NTRK3: variants seen among roughly 807,000 people sequenced by gnomAD.
NTRK3 encodes the protein NT-3 growth factor receptor.
In NTRK3, 24 loss-of-function variants were observed where a neutral mutation model predicts 91.7. The observed-to-expected ratio is 0.26, with a 90% CI of 0.19 to 0.37. The LOEUF (loss-of-function observed/expected upper bound fraction) is 0.37, where lower values mean the gene tolerates loss of function less well. NTRK3 is among the 10% of genes least tolerant of loss of function. The pLI, the probability that NTRK3 is intolerant of heterozygous loss-of-function variation, is 1.00. For synonymous variants in NTRK3, 483 were observed against 404.0 expected, an observed-to-expected ratio of 1.20 and a Z score of -2.34; for missense variants, 880 against 1,068.9, an observed-to-expected ratio of 0.82 and a Z score of 2.46.
rs1596037174 is a variant in NTRK3 at position 87,870,456 on chromosome 15, G to A, written c.*6479C>T. 1.4e-5 allele frequency: 3 copies of A among 208,042 alleles called. No individual in the cohort carries two copies. In the East Asian group the frequency reaches 2.1e-4, roughly 15 times the overall value. 12.9% of individuals were successfully genotyped at this position (208,042 alleles called of 1,614,324 possible). A position where few individuals can be genotyped will look rare whatever the true frequency, so the allele number is the denominator to read the frequency against. On this transcript the variant is annotated 3_prime_UTR_variant, in exon 19 of 19. Transcript: ENST00000394480. ...GGGGAAAGTGTGGGAAGGGAGTGAGGGATAAAAGACTACAAATATGGTGCA... is the reference window on the plus strand; with the variant it reads ...GGGGAAAGTGTGGGAAGGGAGTGAGAGATAAAAGACTACAAATATGGTGCA...
rs141247835 is a variant in NTRK3, at chr15:88,107,355, A to G, written c.1396+18916T>C. ...CTACTCAGGAGACTAAAGTGAGAGG[A>G]TCACTTGAGCCCAGGAGTTGGAGGC... On this transcript the variant is annotated intron_variant, in intron 13 of 18. Transcript: ENST00000394480. 2.0e-4 allele frequency among the ~76,000 whole-genome samples: 31 copies of G among 152,304 alleles called. 1 individual carries two copies. The highest frequency in any genetic ancestry group is 7.5e-4 in the African/African-American group (31 of 41,568).
chr15:88,032,991 A>G (rs2142022280), exon 14 of NTRK3: 1 of 1,609,806 alleles, frequency 6.2e-7, no homozygotes, highest in Non-Finnish European at 8.5e-7. Context: ...GCCGTGGTTG[A>G]TGTGGTGCAG....
intron 13 of NTRK3, among the ~76,000 whole-genome samples, chr15:88,105,063 C>T (rs981153451): frequency 6.6e-6 from 1 of 152,158 alleles, no homozygotes; most frequent in Non-Finnish European, 1.5e-5. Flanking sequence ...TGTGCATGGG[C>T]TCTGATTACT....
chr15:88,183,019 C>T (rs987932491), intron 5 of NTRK3, among the ~76,000 whole-genome samples: 2 of 137,322 alleles, frequency 1.5e-5, no homozygotes, highest in Admixed American at 1.5e-4. Context: ...GCAACCCCCC[C>T]CCGCCCCCCG....
chr15:87,950,675 T>C (rs12593314), intron 14 of NTRK3, among the ~76,000 whole-genome samples: 4,080 of 152,310 alleles, frequency 0.027, 87 homozygotes, highest in South Asian at 0.044. Context: ...ATCCACCTCA[T>C]TGACTTGCCA....
intron 3 of NTRK3, among the ~76,000 whole-genome samples, chr15:88,228,311 A>G (rs2050860996): frequency 6.6e-6 from 1 of 151,732 alleles, no homozygotes; most frequent in East Asian, 1.9e-4. Flanking sequence ...TCATCCCTCC[A>G]TCTGGAGAGA....
chr15:88,028,988 T>G (rs1475838014), intron 14 of NTRK3, among the ~76,000 whole-genome samples: 1 of 152,188 alleles, frequency 6.6e-6, no homozygotes, highest in African/African-American at 2.4e-5. Context: ...CCAATGTTGC[T>G]ACAAATAACT....
chr15:88,090,371 T>C (rs370447423), intron 13 of NTRK3, among the ~76,000 whole-genome samples: 12 of 151,256 alleles, frequency 7.9e-5, no homozygotes, highest in East Asian at 1.9e-4. Flanking sequence ...CGCTCAAAAA[T>C]GCTGAAGAAA....
intron 14 of NTRK3, among the ~76,000 whole-genome samples, chr15:87,999,587 T>C (rs1203494807): frequency 1.3e-5 from 2 of 152,196 alleles, no homozygotes; most frequent in African/African-American, 2.4e-5. Context: ...CATCGAGCCA[T>C]GTAGATATTT....
Position 87,992,040 on chromosome 15 carries a change from G to T in NTRK3, c.1585+40817C>A, listed in dbSNP as rs1481678572. 4.6e-5 allele frequency among the ~76,000 whole-genome samples: 7 copies of T among 151,040 alleles called. No homozygotes were observed. The Admixed American group carries it at 4.7e-4, about 10-fold the overall frequency. On this transcript the variant is annotated intron_variant, in intron 14 of 18. Transcript: ENST00000394480. ...CAACCCTATTTTAGGGCCACTGTTT[G>T]GGGGCTTCTTAACATGTTTCCCAGC...
At chr15:88,126,559 T>A (rs998997465) in intron 12 of NTRK3, among the ~76,000 whole-genome samples, 186 bp from the exon 13 acceptor site, 1 of 152,208 alleles carries the variant, frequency 6.6e-6, no homozygotes, top group Non-Finnish European at 1.5e-5. Flanking sequence ...TTTAAAAGTA[T>A]ATAAATTACC....
At position 88,036,894 on chromosome 15, in the gene NTRK3, T is replaced by C. The variant is rs145233380; in HGVS notation, c.1397-3849A>G. On this transcript the variant is annotated intron_variant, in intron 13 of 18. Coordinates refer to ENST00000394480, the Ensembl canonical transcript of NTRK3. ...CGGAAGAGGGAGAAGTTTGAGAAGA[T>C]ACCACATCGAGACTTAAACCTTTTG... is the stretch of plus-strand genomic sequence containing the variant. Among the ~76,000 whole-genome samples the C allele has an allele frequency of 1.9e-4, 29 of 152,336 alleles. No individual in the cohort carries two copies. The East Asian group carries it at 5.2e-3, about 27-fold the overall frequency.
chr15:88,154,275 G>A (rs936083494), intron 5 of NTRK3, among the ~76,000 whole-genome samples: 5 of 152,080 alleles, frequency 3.3e-5, no homozygotes, highest in Non-Finnish European at 5.9e-5. Context: ...ACCACCAAAG[G>A]AGCTGTTAGG....
intron 14 of NTRK3, among the ~76,000 whole-genome samples, chr15:87,983,997 CT>C (rs1207329095): frequency 6.6e-6 from 1 of 152,166 alleles, no homozygotes; most frequent in African/African-American, 2.4e-5. Context: ...GCACTGGGAC[CT>C]TCCAGATAAG....
At chr15:88,256,092 A>G (rs777949397) in exon 3 of NTRK3, 53 of 1,611,326 alleles carry the variant, frequency 3.3e-5, no homozygotes, top group Non-Finnish European at 4.5e-5. Context: ...GTCCAGCCAG[A>G]CGCTTCCCAG....
At chr15:87,866,586 T>C (rs1022832603) in exon 19 of NTRK3, 4 of 181,064 alleles carry the variant, frequency 2.2e-5, no homozygotes, top group African/African-American at 7.1e-5. Context: ...ATAGTAAATA[T>C]GGTTATTTGT....
exon 19 of NTRK3, chr15:87,871,342 G>A (rs1596038281): frequency 8.6e-6 from 2 of 231,270 alleles, no homozygotes; most frequent in East Asian, 1.2e-4. Context: ...CATGCTCAGA[G>A]CAAAAGTTCT....
At chr15:87,999,543 C>G (rs184071196) in intron 14 of NTRK3, among the ~76,000 whole-genome samples, 51 of 152,284 alleles carry the variant, frequency 3.3e-4, no homozygotes, top group African/African-American at 1.2e-3. Flanking sequence ...ATGTAGATGT[C>G]TTTTCTTCCT....
At chr15:88,084,621 G>C (rs1473226763) in intron 13 of NTRK3, among the ~76,000 whole-genome samples, 1 of 152,216 alleles carries the variant, frequency 6.6e-6, no homozygotes, top group Non-Finnish European at 1.5e-5. Context: ...AATGACCACT[G>C]CTCCAGCCTC....
Sources: gnomAD v4.1 joint callset for allele counts (sites outside exome capture counted in the v4.1 genomes callset) on GRCh38, gnomAD v4.1.1 for gene constraint, MANE v1.5 for transcripts, NCBI Gene and HGNC (gene_info 2026-07-23, HGNC 2026-07-21) for gene names.